Variants in ECPAS observed in about 807,000 individuals in gnomAD.
ECPAS encodes the protein proteasome adapter and scaffold protein ECM29.
In ECPAS, 70 loss-of-function variants were observed where a neutral mutation model predicts 255.1. The ratio of observed to expected loss-of-function variants is 0.27; its 90% CI spans 0.23 to 0.33. The LOEUF is 0.33. Ranked by LOEUF, ECPAS falls within the 10% of genes least tolerant of loss-of-function variation. ECPAS has a pLI of 1.00. For synonymous variants in ECPAS, 784 were observed against 775.0 expected (o/e 1.01, Z -0.19); for missense variants, 1,817 against 2,206.4 (o/e 0.82, Z 3.54).
intron 37 of ECPAS, among the ~76,000 whole-genome samples, chr9:111,375,413 A>C (rs1431893403): frequency 6.6e-6 from 1 of 152,202 alleles, no homozygotes; most frequent in Non-Finnish European, 1.5e-5. Flanking sequence ...ACTAAAAACA[A>C]ACAAAAAAAT....
chr9:111,423,018 T>C (rs1391611718), intron 13 of ECPAS, among the ~76,000 whole-genome samples, 181 bp downstream of exon 13: 1 of 152,190 alleles, frequency 6.6e-6, no homozygotes, highest in Non-Finnish European at 1.5e-5. Flanking sequence ...CCTTCAAATG[T>C]AAATTAAAAT....
At chr9:111,430,479 A>G (rs2098228152) in intron 9 of ECPAS, 68 bp downstream of exon 9, 1 of 922,292 alleles carries the variant, frequency 1.1e-6, no homozygotes. Context: ...AAGAAAATGT[A>G]TAAATACGCA....
At chr9:111,389,463 G>A (rs1052441656) in intron 31 of ECPAS, 93 bp downstream of exon 31, 56 of 1,140,726 alleles carry the variant, frequency 4.9e-5, no homozygotes, top group Admixed American at 1.7e-4. Flanking sequence ...AACATAAAAA[G>A]TAGAAAGGAA....
In ECPAS at chr9:111,389,581, T is replaced by C. The variant is rs2098156077; in HGVS notation, c.3422A>G (p.Asn1141Ser). The C allele has an allele frequency of 6.2e-7, 1 of 1,613,616 alleles. No individual in the cohort carries two copies. Among genetic ancestry groups the C allele is most frequent in the Non-Finnish European group, 8.5e-7 (1 of 1,179,720 alleles). The change falls in exon 31 of 50, where the codon AAT becomes AGT. Residue 1141 changes from asparagine to serine, a missense_variant. Around this residue, in one of 4 missense-constraint regions of ECPAS, gnomAD observed 960 missense variants for 1,179.0 expected, o/e 0.81. Transcript: ENST00000684092. Reference protein sequence around the residue: ...GIRQAMTSIWNALVTDKSMVD... With the variant: ...GIRQAMTSIWSALVTDKSMVD... ...CATGGATTTGTCAGTGACCAACGCA[T>C]TCCAAATACTTGTCATGGCCTGTCG...
chr9:111,415,256 A>T (rs944106820), intron 18 of ECPAS, among the ~76,000 whole-genome samples: 11 of 148,674 alleles, frequency 7.4e-5, no homozygotes, highest in African/African-American at 2.8e-4. Flanking sequence ...TGTGTGTGAG[A>T]GAGAGAGAAA....
chr9:111,457,349 A>G (rs949324639), intron 2 of ECPAS, among the ~76,000 whole-genome samples: 3 of 152,214 alleles, frequency 2.0e-5, no homozygotes, highest in Admixed American at 1.3e-4. Flanking sequence ...TTAAATAGCA[A>G]AAGGAAAAAG....
At chr9:111,371,253 G>A (rs1051689292) in intron 43 of ECPAS, among the ~76,000 whole-genome samples, 6 of 152,186 alleles carry the variant, frequency 3.9e-5, no homozygotes, top group African/African-American at 1.2e-4. Context: ...TTTAGAGGCA[G>A]GCTACCTTGC....
chr9:111,450,738 A>G (rs1337360107), intron 3 of ECPAS, among the ~76,000 whole-genome samples: 1 of 152,104 alleles, frequency 6.6e-6, no homozygotes, highest in Admixed American at 6.6e-5. Flanking sequence ...GACCAGCCTG[A>G]GCAACAAAGC....
At chr9:111,440,921 T>C (rs2098244927) in intron 5 of ECPAS, among the ~76,000 whole-genome samples, 1 of 152,164 alleles carries the variant, frequency 6.6e-6, no homozygotes, top group Non-Finnish European at 1.5e-5. Flanking sequence ...TCCCAGTACT[T>C]TGGGAGGCCG....
In ECPAS at chr9:111,431,559, GAAA is replaced by G. The variant is rs778966448; in HGVS notation, c.849-934_849-932del. 4.8e-5 allele frequency among the ~76,000 whole-genome samples: 4 copies of G among 82,678 alleles called. 1 individual carries two copies. The highest frequency in any genetic ancestry group is 7.9e-4 in the South Asian group (2 of 2,516). The allele number at this position is 82,678 out of a possible 152,430, so 54.2% of individuals were successfully genotyped here. The stretch of plus-strand genomic sequence containing the variant: ...TGTGACAGAGCTAGACTCTGTCTCA[GAAA>G]AAAAAAAAAAAAAAAGATGATTGGT... On this transcript the variant is annotated intron_variant, in intron 8 of 49. Transcript: ENST00000684092.
intron 6 of ECPAS, among the ~76,000 whole-genome samples, chr9:111,439,006 T>C (rs1329332020): frequency 2.6e-5 from 4 of 152,190 alleles, no homozygotes; most frequent in Non-Finnish European, 4.4e-5. Flanking sequence ...ACAAAATAAG[T>C]AGACCAGAAG....
In ECPAS at chr9:111,416,306, G is replaced by C; in HGVS notation, c.1730C>G (p.Thr577Ser). The C allele has an allele frequency of 3.7e-6, 6 of 1,613,728 alleles. No homozygotes were observed. Among genetic ancestry groups the C allele is most frequent in the Non-Finnish European group, 5.1e-6 (6 of 1,179,688 alleles). The change falls in exon 18 of 50, where the codon ACT becomes AGT. Residue 577 changes from threonine (T) to serine (S), a missense_variant. Physicochemically the swap from Thr to Ser is moderately conservative, Grantham distance 58 (BLOSUM62 1). Coordinates refer to ENST00000684092, the MANE Select transcript of ECPAS (RefSeq NM_001364929.1). ...GGCTGCTGGGTTAAATGGAAGGACA[G>C]TGGTCCCGGTCATGTACTTGACTGG... ...KTPVKYMTGT[T>S]VLPFNPAAFG...
intron 12 of ECPAS, among the ~76,000 whole-genome samples, chr9:111,423,541 T>C (rs2098217393): frequency 1.3e-5 from 2 of 152,232 alleles, no homozygotes; most frequent in East Asian, 1.9e-4. Context: ...TTCTCTTAGC[T>C]GGTGCTGAGT....
chr9:111,390,053 A>G lies in ECPAS; in HGVS notation c.3210T>C (p.Leu1070=). 6.2e-7 allele frequency: 1 copy of G among 1,601,122 alleles called. No homozygotes were observed. Among genetic ancestry groups the G allele is most frequent in the East Asian group, 2.2e-5 (1 of 44,472 alleles). Residue 1070 remains leucine (L), a synonymous_variant, in exon 30 of 50, where the codon CTT becomes CTC. Transcript: ENST00000684092. The part of the protein sequence containing the change: ...YKELCSLASD[L]SQPDLVYKFM... ...ATTTATACACCAGATCTGGCTGGCT[A>G]AGATCACTTGCCAGAGAACAAAGTT...
intron 3 of ECPAS, among the ~76,000 whole-genome samples, chr9:111,451,157 TC>T (rs2098259827): frequency 1.3e-5 from 2 of 152,200 alleles, no homozygotes; most frequent in Non-Finnish European, 2.9e-5. Flanking sequence ...GGATTTCAGA[TC>T]ATGCCTCCAT....
Position 111,410,967 on chromosome 9 carries a change from A to G in ECPAS, c.2377+13T>C. On this transcript the variant is annotated intron_variant, in intron 22 of 49. Transcript: ENST00000684092. ...AACTGCAACACCCAAATCGACATAAAGACATTAATTACCTATTGTTTCTGT... is the reference window on the plus strand; with the variant it reads ...AACTGCAACACCCAAATCGACATAAGGACATTAATTACCTATTGTTTCTGT... 6.2e-7 allele frequency: 1 copy of G among 1,604,790 alleles called. No individual in the cohort carries two copies. The highest frequency in any genetic ancestry group is 8.5e-7 in the Non-Finnish European group (1 of 1,173,952).
chr9:111,375,890 AG>A (rs2131531102), intron 37 of ECPAS, among the ~76,000 whole-genome samples: 1 of 152,304 alleles, frequency 6.6e-6, no homozygotes, highest in Non-Finnish European at 1.5e-5. Context: ...CTAAAGGTAC[AG>A]ATCTGCTTAG....
At chr9:111,442,265 AC>A (rs2131904999) in intron 5 of ECPAS, 40 bp downstream of exon 5, 1 of 1,300,414 alleles carries the variant, frequency 7.7e-7, no homozygotes, top group South Asian at 1.3e-5. Flanking sequence ...GCAGTTGTTG[AC>A]TCCTGTAGGA....
intron 7 of ECPAS, among the ~76,000 whole-genome samples, chr9:111,433,979 G>A (rs2098233919): frequency 6.6e-6 from 1 of 152,158 alleles, no homozygotes; most frequent in South Asian, 2.1e-4. Context: ...ACAGACTAGA[G>A]AGATTCTGCT....
Sources: allele counts gnomAD v4.1 joint callset (sites outside exome capture counted in the v4.1 genomes callset), GRCh38; gene constraint gnomAD v4.1.1; regional missense constraint gnomAD v4.1.1; transcripts MANE v1.5; gene names NCBI Gene and HGNC (gene_info 2026-07-23, HGNC 2026-07-21).